Variants in FABP12 observed in about 807,000 individuals in gnomAD.
FABP12 encodes the protein fatty acid-binding protein 12.
Under a neutral mutation model 13.7 loss-of-function variants are expected in FABP12, and 19 were observed. The observed-to-expected ratio is 1.39, with a 90% CI of 0.97 to 2.04. The LOEUF is 2.04. FABP12 is among the 30% of genes most tolerant of loss of function. The probability of loss-of-function intolerance (pLI) is 0.00; values close to 1 mark genes in which losing one functional copy is unlikely to be tolerated. For synonymous variants in FABP12, 61 were observed against 57.0 expected (o/e 1.07, Z -0.32); for missense variants, 182 against 164.2 (o/e 1.11, Z -0.59).
At chr8:81,550,043 T>C (rs1424583509) in intron 1 of FABP12, among the ~76,000 whole-genome samples, 1 of 152,198 alleles carries the variant, frequency 6.6e-6, no homozygotes, top group East Asian at 1.9e-4. Flanking sequence ...CCTGTAAAGA[T>C]TTTCTTCTGA....
At chr8:81,584,697 T>G (rs1364664577) in intron 1 of FABP12, among the ~76,000 whole-genome samples, 17 of 150,126 alleles carry the variant, frequency 1.1e-4, no homozygotes, top group Admixed American at 1.1e-3. Flanking sequence ...GTGATTTTAT[T>G]TTTAGTGTTT....
At chr8:81,571,252 A>G (rs1809927285) in intron 1 of FABP12, among the ~76,000 whole-genome samples, 1 of 152,346 alleles carries the variant, frequency 6.6e-6, no homozygotes, top group Non-Finnish European at 1.5e-5. Context: ...CGAGCCTGCA[A>G]GGGCAAGTGG....
intron 1 of FABP12, among the ~76,000 whole-genome samples, chr8:81,577,609 A>T (rs1810072416): frequency 6.6e-6 from 1 of 152,048 alleles, no homozygotes; most frequent in Non-Finnish European, 1.5e-5. Context: ...AAACACAAAA[A>T]AATTAGCTGG....
At chr8:81,543,425 GT>G (rs1809384858) in intron 1 of FABP12, among the ~76,000 whole-genome samples, 1 of 152,176 alleles carries the variant, frequency 6.6e-6, no homozygotes, top group Admixed American at 6.5e-5. Context: ...TGGAAAACTA[GT>G]TTAGCGCCTG....
At chr8:81,525,483 T>C (rs915779877) in intron 4 of FABP12, among the ~76,000 whole-genome samples, 1 of 148,384 alleles carries the variant, frequency 6.7e-6, no homozygotes, top group Admixed American at 6.8e-5. Flanking sequence ...ACCACTGCAC[T>C]CCAGCCTGGA....
upstream of FABP12, among the ~76,000 whole-genome samples, chr8:81,536,017 C>G (rs1392331516): frequency 6.6e-6 from 1 of 152,150 alleles, no homozygotes; most frequent in Non-Finnish European, 1.5e-5. Context: ...GGTCAAACAC[C>G]CTTAGCTGTG....
intron 1 of FABP12, among the ~76,000 whole-genome samples, chr8:81,557,241 C>T (rs190430992): frequency 3.5e-4 from 54 of 152,214 alleles, no homozygotes; most frequent in Non-Finnish European, 6.2e-4. Flanking sequence ...AATAGTCTTC[C>T]TCATACTGAG....
intron 1 of FABP12, among the ~76,000 whole-genome samples, chr8:81,546,444 G>A (rs1046175807): frequency 1.3e-5 from 2 of 151,316 alleles, no homozygotes; most frequent in South Asian, 4.2e-4. Flanking sequence ...ACGAGGTCAG[G>A]AGATGTAGAC....
intron 1 of FABP12, among the ~76,000 whole-genome samples, chr8:81,541,038 G>A (rs1737631954): frequency 6.6e-6 from 1 of 151,722 alleles, no homozygotes; most frequent in African/African-American, 2.4e-5. Flanking sequence ...TTGGTGGTGG[G>A]TGCCTGTAAT....
At chr8:81,573,105 C>A (rs1358402703) in intron 1 of FABP12, among the ~76,000 whole-genome samples, 1 of 152,066 alleles carries the variant, frequency 6.6e-6, no homozygotes, top group Non-Finnish European at 1.5e-5. Context: ...GTCCTTAATC[C>A]ATCTTGAATT....
intron 1 of FABP12, among the ~76,000 whole-genome samples, chr8:81,557,696 T>C (rs539439108): frequency 1.6e-4 from 25 of 152,366 alleles, no homozygotes; most frequent in African/African-American, 5.5e-4. Flanking sequence ...GAGTTAAACA[T>C]GTTAACGTTT....
intron 1 of FABP12, among the ~76,000 whole-genome samples, chr8:81,540,271 C>G (rs1374787701): frequency 6.6e-6 from 1 of 152,206 alleles, no homozygotes; most frequent in Non-Finnish European, 1.5e-5. Flanking sequence ...CTGATGCATG[C>G]TCAAATATGA....
At chr8:81,526,896 T>C (rs1808915432) in intron 4 of FABP12, 124 bp downstream of exon 4, 3 of 600,210 alleles carry the variant, frequency 5.0e-6, no homozygotes, top group Non-Finnish European at 8.8e-6. Flanking sequence ...TCATAATTTT[T>C]TTCTCATTCT....
chr8:81,563,103 A>C lies in FABP12; in HGVS notation c.-184-23360T>G, dbSNP rs148650815. ...CACAGAGAGATACTTTGTTTGAGGG[A>C]AATGAAGGAGTGAAGACCAGTCTCT... is the stretch of plus-strand genomic sequence containing the variant. On this transcript the variant is annotated intron_variant, in intron 1 of 5. Coordinates refer to the FABP12 transcript ENST00000692030. 9.6e-4 allele frequency among the ~76,000 whole-genome samples: 146 copies of C among 152,324 alleles called. 2 individuals are homozygous for C. The highest frequency in any genetic ancestry group is 3.4e-3 in the African/African-American group (143 of 41,582).
chr8:81,537,169 G>T (rs1809242888), upstream of FABP12, among the ~76,000 whole-genome samples: 1 of 152,136 alleles, frequency 6.6e-6, no homozygotes, highest in South Asian at 2.1e-4. Context: ...ATTTATAAAA[G>T]TAACATGAGA....
chr8:81,587,807 G>T (rs1810264851), intron 1 of FABP12, among the ~76,000 whole-genome samples: 1 of 152,068 alleles, frequency 6.6e-6, no homozygotes, highest in South Asian at 2.1e-4. Flanking sequence ...GTTTATTAAG[G>T]TGTGTTGACT....
At chr8:81,588,187 A>G (rs1334951221) in intron 1 of FABP12, among the ~76,000 whole-genome samples, 3 of 152,212 alleles carry the variant, frequency 2.0e-5, no homozygotes, top group Non-Finnish European at 1.5e-5. Context: ...CACACCCAGG[A>G]ACAATACTTT....
At chr8:81,558,505 G>T (rs1028242509) in intron 1 of FABP12, among the ~76,000 whole-genome samples, 2 of 152,134 alleles carry the variant, frequency 1.3e-5, no homozygotes, top group African/African-American at 4.8e-5. Flanking sequence ...CAGTCCCTGA[G>T]CCTGCTCCAC....
At chr8:81,556,718 A>T (rs1034683786) in intron 1 of FABP12, among the ~76,000 whole-genome samples, 1 of 147,698 alleles carries the variant, frequency 6.8e-6, no homozygotes, top group African/African-American at 2.5e-5. Context: ...AACCTTATTT[A>T]TATATATAAA....
Sources: gnomAD v4.1 joint callset for allele counts (sites outside exome capture counted in the v4.1 genomes callset) on GRCh38, gnomAD v4.1.1 for gene constraint, MANE v1.5 for transcripts, NCBI Gene and HGNC (gene_info 2026-07-23, HGNC 2026-07-21) for gene names.